The following CELF2 variants were observed in gnomAD, a reference collection of about 807,000 sequenced individuals.
CELF2 encodes the protein CUG triplet repeat RNA-binding protein 2.
A neutral mutation model predicts 62.6 loss-of-function variants in CELF2; 8 were observed. The observed-to-expected ratio is 0.13, with a 90% CI of 0.07 to 0.23. The LOEUF is 0.23. Among genes scored for constraint, CELF2 ranks in the 10% least tolerant of loss-of-function variants. The probability of loss-of-function intolerance (pLI) is 1.00; values close to 1 mark genes in which losing one functional copy is unlikely to be tolerated. For synonymous variants in CELF2, 258 were observed against 250.0 expected, an observed-to-expected ratio of 1.03 and a Z score of -0.30; for missense variants, 333 against 671.0, an observed-to-expected ratio of 0.50 and a Z score of 5.56.
At chr10:11,173,633 A>G (rs1042422376) in intron 2 of CELF2, among the ~76,000 whole-genome samples, 13 of 152,192 alleles carry the variant, frequency 8.5e-5, no homozygotes, top group African/African-American at 3.1e-4. Flanking sequence ...CTGAATTTTC[A>G]TCCTTGGACA....
chr10:10,478,721 C>A, the CELF2 span, among the ~76,000 whole-genome samples: 1 of 152,150 alleles, frequency 6.6e-6, no homozygotes, highest in Non-Finnish European at 1.5e-5. Flanking sequence ...GTCAGAAATT[C>A]ATGACACACT....
chr10:11,287,920 G>A (rs2091737554), intron 8 of CELF2, among the ~76,000 whole-genome samples: 1 of 152,200 alleles, frequency 6.6e-6, no homozygotes, highest in Non-Finnish European at 1.5e-5. Flanking sequence ...CCAGTAAAAT[G>A]TAGTTTCTTC....
At chr10:10,740,205 A>C in the CELF2 span, among the ~76,000 whole-genome samples, 1 of 134,170 alleles carries the variant, frequency 7.5e-6, no homozygotes, top group African/African-American at 2.8e-5. Flanking sequence ...CAAGGCCAAT[A>C]TCAAGGAGCT....
chr10:10,958,439 G>A (rs2049129621), intron 2 of CELF2, among the ~76,000 whole-genome samples: 1 of 152,242 alleles, frequency 6.6e-6, no homozygotes. Flanking sequence ...ATTCTCCAGA[G>A]CTAGCACAGG....
intron 2 of CELF2, among the ~76,000 whole-genome samples, chr10:11,189,845 G>A (rs1329140960): frequency 6.6e-6 from 1 of 152,212 alleles, no homozygotes; most frequent in Admixed American, 6.5e-5. Context: ...CGTTGACTCA[G>A]ATACAGCCCA....
At chr10:11,249,647 G>A (rs551169939) in intron 4 of CELF2, among the ~76,000 whole-genome samples, 1 of 152,068 alleles carries the variant, frequency 6.6e-6, no homozygotes, top group South Asian at 2.1e-4. Context: ...TGTTTCTTTT[G>A]GACTTGGAGA....
intron 1 of CELF2, among the ~76,000 whole-genome samples, chr10:11,040,966 A>G (rs1427935252): frequency 1.3e-5 from 2 of 152,196 alleles, no homozygotes; most frequent in East Asian, 3.8e-4. Flanking sequence ...GGGCTGCTAT[A>G]ACTAAATGCC....
rs2079261166 is a variant in CELF2, at chr10:11,257,731, C to T, written c.404-7C>T. ...GCCTTTGCTCATTCGTTATTTTTAT[C>T]TCCTAGCTGTGGAAGACAGAAAATT... On this transcript the variant is annotated splice_polypyrimidine_tract_variant and splice_region_variant and intron_variant, in intron 4 of 12. Coordinates refer to ENST00000633077, the MANE Select transcript of CELF2 (RefSeq NM_001326342.2). 5 of 1,612,734 alleles carry T rather than the reference C, an allele frequency of 3.1e-6. No individual in the cohort carries two copies. Among genetic ancestry groups the T allele is most frequent in the East Asian group, 2.2e-5 (1 of 44,856 alleles).
intron 8 of CELF2, among the ~76,000 whole-genome samples, chr10:11,282,337 G>C (rs2089230354): frequency 6.6e-6 from 1 of 152,204 alleles, no homozygotes; most frequent in Non-Finnish European, 1.5e-5. Context: ...CAGGCACCCA[G>C]GGAAGGGGCG....
At chr10:11,087,129 C>T (rs565365880) in intron 1 of CELF2, among the ~76,000 whole-genome samples, 1 of 152,200 alleles carries the variant, frequency 6.6e-6, no homozygotes, top group Non-Finnish European at 1.5e-5. Flanking sequence ...TGCTGTCTTA[C>T]ATCTCTAAAG....
intron 1 of CELF2, among the ~76,000 whole-genome samples, chr10:11,026,582 A>G (rs1197466551): frequency 6.6e-6 from 1 of 152,216 alleles, no homozygotes; most frequent in East Asian, 1.9e-4. Flanking sequence ...TCACTCCTGA[A>G]TCTCTGTACC....
intron 1 of CELF2, among the ~76,000 whole-genome samples, chr10:11,162,374 G>A (rs2065920252): frequency 6.6e-6 from 1 of 152,190 alleles, no homozygotes; most frequent in Admixed American, 6.5e-5. Context: ...AACTTGTACA[G>A]CAAGTGGACA....
chr10:10,511,198 T>C, the CELF2 span, among the ~76,000 whole-genome samples: 29 of 152,252 alleles, frequency 1.9e-4, no homozygotes, highest in African/African-American at 6.7e-4. Context: ...TCACCTGAGG[T>C]CAGGAGTTCA....
At chr10:10,892,094 T>A in intron 1 of CELF2, among the ~76,000 whole-genome samples, 1 of 152,178 alleles carries the variant, frequency 6.6e-6, no homozygotes, top group Non-Finnish European at 1.5e-5. Context: ...AGAGCCCAAA[T>A]AAATAGAAAC....
intron 1 of CELF2, among the ~76,000 whole-genome samples, chr10:10,890,501 T>C (rs1414233012): frequency 6.6e-6 from 1 of 152,264 alleles, no homozygotes; most frequent in Non-Finnish European, 1.5e-5. Flanking sequence ...ATAATTTTAC[T>C]GATTTTCCCC....
rs143555024 is a variant in CELF2 at position 11,299,336 on chromosome 10, G to T, written c.976+10784G>T. Among the ~76,000 whole-genome samples the T allele has an allele frequency of 9.1e-3, 1,391 of 152,362 alleles. 14 individuals carry two copies. The highest frequency in any genetic ancestry group is 0.031 in the African/African-American group (1,302 of 41,586). Reference sequence around the variant, plus strand: ...GGCGCCCCAGCGAGCCTGCAGCCCTGCTGTGACGTCCCTGGGCTGCGCCAG... The same window carrying T: ...GGCGCCCCAGCGAGCCTGCAGCCCTTCTGTGACGTCCCTGGGCTGCGCCAG... On this transcript the variant is annotated intron_variant, in intron 9 of 12. Coordinates refer to ENST00000633077, the MANE Select transcript of CELF2 (RefSeq NM_001326342.2).
chr10:10,750,099 TG>T, the CELF2 span, among the ~76,000 whole-genome samples: 2 of 152,158 alleles, frequency 1.3e-5, no homozygotes, highest in Non-Finnish European at 2.9e-5. Context: ...CTGGCCAACA[TG>T]GTGAAACCTC....
chr10:10,646,918 G>A, the CELF2 span, among the ~76,000 whole-genome samples: 1 of 152,170 alleles, frequency 6.6e-6, no homozygotes, highest in South Asian at 2.1e-4. Flanking sequence ...CCTGCCCTTT[G>A]ATGAGTGTTG....
At chr10:11,233,433 C>T (rs1025774575) in intron 3 of CELF2, among the ~76,000 whole-genome samples, 3 of 152,138 alleles carry the variant, frequency 2.0e-5, no homozygotes, top group Non-Finnish European at 4.4e-5. Flanking sequence ...TCTTTAGGTC[C>T]CAGTGATCCC....
Sources: allele counts gnomAD v4.1 joint callset (sites outside exome capture counted in the v4.1 genomes callset), GRCh38; gene constraint gnomAD v4.1.1; transcripts MANE v1.5; gene names NCBI Gene and HGNC (gene_info 2026-07-23, HGNC 2026-07-21).